Variants in KAZN observed in about 807,000 individuals in gnomAD.
The protein encoded by KAZN is kazrin.
Under a neutral mutation model 87.4 loss-of-function variants are expected in KAZN, and 40 were observed. The ratio of observed to expected loss-of-function variants is 0.46; its 90% CI spans 0.36 to 0.60. KAZN has a LOEUF of 0.60. Ranked by LOEUF, KAZN falls within the 20% of genes least tolerant of loss-of-function variation. The probability of loss-of-function intolerance (pLI) is 0.00; values close to 1 mark genes in which losing one functional copy is unlikely to be tolerated. For missense variants in KAZN, 898 were observed against 1,073.9 expected (o/e 0.84, Z 2.29); for synonymous variants, 466 against 458.3 (o/e 1.02, Z -0.22).
chr1:14,537,037 A>G (rs1672542710), intron 2 of KAZN, among the ~76,000 whole-genome samples: 1 of 152,220 alleles, frequency 6.6e-6, no homozygotes, highest in Non-Finnish European at 1.5e-5. Context: ...TCTGTGTCAT[A>G]GTCCAGCACT....
intron 2 of KAZN, among the ~76,000 whole-genome samples, chr1:14,271,599 CTCTCTCTG>C (rs1391388842): frequency 4.2e-4 from 64 of 152,206 alleles, no homozygotes; most frequent in Non-Finnish European, 6.8e-4. Context: ...TCTATTTCCT[CTCTCTCTG>C]TCTCTCTCAT....
At chr1:14,181,063 C>T (rs139310668) in intron 2 of KAZN, among the ~76,000 whole-genome samples, 5 of 152,300 alleles carry the variant, frequency 3.3e-5, no homozygotes, top group African/African-American at 4.8e-5. Flanking sequence ...GTATTTAGCT[C>T]ATTGTAGGCT....
chr1:14,888,986 A>G (rs1654417628), intron 1 of KAZN, among the ~76,000 whole-genome samples: 1 of 152,224 alleles, frequency 6.6e-6, no homozygotes. Flanking sequence ...CATAAAATAT[A>G]CTAACAATAA....
intron 1 of KAZN, among the ~76,000 whole-genome samples, chr1:14,733,802 G>A (rs1245541468): frequency 6.6e-6 from 1 of 152,180 alleles, no homozygotes; most frequent in Non-Finnish European, 1.5e-5. Context: ...CTGTTTGGGA[G>A]CTACATTTTT....
At chr1:13,938,947 A>T (rs1311495830) in intron 1 of KAZN, among the ~76,000 whole-genome samples, 3 of 152,208 alleles carry the variant, frequency 2.0e-5, no homozygotes, top group Non-Finnish European at 4.4e-5. Context: ...TCTTGGAGTG[A>T]CACAGGGCAT....
At chr1:14,002,139 T>G (rs1163923733) in intron 1 of KAZN, among the ~76,000 whole-genome samples, 1 of 152,172 alleles carries the variant, frequency 6.6e-6, no homozygotes, top group Non-Finnish European at 1.5e-5. Context: ...TACAAGGAAC[T>G]TAAAGAAATT....
chr1:14,348,556 C>G (rs1391571150), intron 2 of KAZN, among the ~76,000 whole-genome samples: 1 of 152,170 alleles, frequency 6.6e-6, no homozygotes, highest in Non-Finnish European at 1.5e-5. Flanking sequence ...TGCTAACCAC[C>G]TCCCTGAATC....
Position 13,978,129 on chromosome 1 carries a change from C to CAAAA in KAZN, c.91+84392_91+84395dup, listed in dbSNP as rs35828417. Among the ~76,000 whole-genome samples the CAAAA allele has an allele frequency of 5.4e-3, 436 of 80,206 alleles. 7 individuals carry two copies. The highest frequency in any genetic ancestry group is 0.011 in the African/African-American group (219 of 20,138). The allele number at this position is 80,206 out of a possible 152,430, so 52.6% of individuals were successfully genotyped here. On this transcript the variant is annotated intron_variant, in intron 1 of 16. Transcript: ENST00000636203. ...GGTGACAGAGCAAGACTCCATCTCACAAAAAAAAAAAAAAAAAAAAAAGGC... is the reference window on the plus strand; with the variant it reads ...GGTGACAGAGCAAGACTCCATCTCACAAAAAAAAAAAAAAAAAAAAAAAAAAGGC...
chr1:14,241,322 C>T (rs1011459428), intron 2 of KAZN, among the ~76,000 whole-genome samples: 119 of 152,166 alleles, frequency 7.8e-4, no homozygotes, highest in African/African-American at 2.9e-3. Flanking sequence ...AAGTCAATAG[C>T]AATTAGGTGG....
At chr1:14,873,566 G>A (rs1448129383) in intron 1 of KAZN, among the ~76,000 whole-genome samples, 1 of 152,204 alleles carries the variant, frequency 6.6e-6, no homozygotes, top group East Asian at 1.9e-4. Context: ...GAGAGGAAAT[G>A]TAAAAGGAGA....
In KAZN at chr1:14,665,654, A is replaced by T. The variant is rs72636606; in HGVS notation, c.226+66431A>T. ...ACCTCTCAGTGTATCCGTTTCCCTG[A>T]TATGAAAAGTGGAGGGGCTAACCAT... is the stretch of plus-strand genomic sequence containing the variant. On this transcript the variant is annotated intron_variant, in intron 1 of 14. Transcript: ENST00000376030. Among the ~76,000 whole-genome samples, 1,478 of 152,132 alleles carry T rather than the reference A, an allele frequency of 9.7e-3. 15 individuals carry two copies. The highest frequency in any genetic ancestry group is 0.016 in the Non-Finnish European group (1,121 of 67,982).
chr1:14,120,318 G>A (rs1057431086), intron 1 of KAZN, among the ~76,000 whole-genome samples: 2 of 152,050 alleles, frequency 1.3e-5, no homozygotes, highest in African/African-American at 4.8e-5. Context: ...ACCAGGTCTC[G>A]TGAGAACTCA....
intron 2 of KAZN, among the ~76,000 whole-genome samples, chr1:14,984,129 G>C (rs1436728766): frequency 1.3e-5 from 2 of 152,122 alleles, no homozygotes; most frequent in African/African-American, 4.8e-5. Context: ...CACTTTGGGA[G>C]GCCGAGGCAG....
At chr1:14,867,917 GGACAGCAGTGGGCAGGCACA>G (rs1651670645) in intron 1 of KAZN, among the ~76,000 whole-genome samples, 2 of 67,458 alleles carry the variant, frequency 3.0e-5, no homozygotes, top group Non-Finnish European at 8.1e-5. Context: ...GCTACAGGGA[GGACAGCAGTGGGCAGGCACA>G]GCCTCACATA....
chr1:14,821,349 A>G (rs145613355), intron 1 of KAZN, among the ~76,000 whole-genome samples: 10,510 of 152,104 alleles, frequency 0.069, 414 homozygotes, highest in Admixed American at 0.12. Context: ...CCCTGTCTCT[A>G]CTAAAAATAC....
rs1338011079 is a variant in KAZN, at chr1:14,599,088, A to G, written c.91A>G (p.Thr31Ala). Residue 31 changes from threonine to alanine, a missense_variant, in exon 1 of 15, where the codon ACG becomes GCG. Thr to Ala is a moderately conservative substitution (Grantham distance 58). Around this residue, in one of 3 missense-constraint regions of KAZN, gnomAD observed 250 missense variants for 263.0 expected, o/e 0.95. Coordinates refer to ENST00000376030, the MANE Select transcript of KAZN (RefSeq NM_201628.3). This position sits in a 1 kb window ranked among gnomAD's most constrained non-coding sequence, Gnocchi z 4.4. ...QEVTNLRAEL[T>A]ATNRRLAELS... is the part of the protein sequence containing the mutation. The stretch of plus-strand genomic sequence containing the variant: ...GGTGACCAACCTGCGAGCCGAACTC[A>G]CGGCCACCAACCGGAGACTGGCGGA... 3.8e-6 allele frequency: 6 copies of G among 1,559,488 alleles called. No individual in the cohort carries two copies. The highest frequency in any genetic ancestry group is 1.4e-5 in the African/African-American group (1 of 70,384).
chr1:14,111,680 A>G lies in KAZN; in HGVS notation c.92-68755A>G, dbSNP rs1488905294. ...AGAGCAGGGGCATTGAAAGTCCTGC[A>G]CACCTGCGTTGTCTCTGGACTCCAC... On this transcript the variant is annotated intron_variant, in intron 1 of 16. Transcript: ENST00000636203. 2.3e-5 allele frequency among the ~76,000 whole-genome samples: 3 copies of G among 131,780 alleles called. 1 individual carries two copies. Among genetic ancestry groups the G allele is most frequent in the African/African-American group, 6.0e-5 (2 of 33,558 alleles). 86.5% of individuals were successfully genotyped at this position (131,780 alleles called of 152,430 possible).
chr1:14,932,630 C>A (rs1408665200), intron 1 of KAZN, among the ~76,000 whole-genome samples: 3 of 152,018 alleles, frequency 2.0e-5, no homozygotes, highest in Non-Finnish European at 4.4e-5. Flanking sequence ...TTCCAAGGCC[C>A]GTCTTAGCTT....
chr1:15,100,756 C>T (rs1339961134), intron 10 of KAZN, among the ~76,000 whole-genome samples: 1 of 152,222 alleles, frequency 6.6e-6, no homozygotes, highest in African/African-American at 2.4e-5. Flanking sequence ...CCAAGATGAG[C>T]CACTGTGTGG....
Sources: allele counts gnomAD v4.1 joint callset (sites outside exome capture counted in the v4.1 genomes callset), GRCh38; gene constraint gnomAD v4.1.1; regional missense constraint gnomAD v4.1.1; non-coding constraint Gnocchi (gnomAD v3.1); transcripts MANE v1.5; gene names NCBI Gene and HGNC (gene_info 2026-07-23, HGNC 2026-07-21).